RAB22A: variants seen among roughly 807,000 people sequenced by gnomAD.
RAB22A encodes ras-related protein Rab-22A.
A neutral mutation model predicts 30.2 loss-of-function variants in RAB22A; 13 were observed. That is an observed-to-expected ratio of 0.43 (90% CI 0.28 to 0.68). The LOEUF (loss-of-function observed/expected upper bound fraction) is 0.68. RAB22A is among the 30% of genes least tolerant of loss of function. The pLI is 0.18. For synonymous variants in RAB22A, 89 were observed against 87.2 expected, an observed-to-expected ratio of 1.02 and a Z score of -0.11; for missense variants, 177 against 246.8, an observed-to-expected ratio of 0.72 and a Z score of 1.89.
At chr20:58,343,253 A>T (rs553933178) in intron 2 of RAB22A, among the ~76,000 whole-genome samples, 1 of 152,244 alleles carries the variant, frequency 6.6e-6, no homozygotes, top group East Asian at 1.9e-4. Flanking sequence ...ATTAATTCGC[A>T]TGTTAACACT....
intron 2 of RAB22A, among the ~76,000 whole-genome samples, chr20:58,340,015 G>T (rs1986828497): frequency 6.6e-6 from 1 of 152,274 alleles, no homozygotes; most frequent in South Asian, 2.1e-4. Flanking sequence ...TCCTAATGCT[G>T]AGGAGGAAGT....
chr20:58,312,057 G>A (rs1986237387), intron 2 of RAB22A, among the ~76,000 whole-genome samples: 1 of 152,134 alleles, frequency 6.6e-6, no homozygotes, highest in Non-Finnish European at 1.5e-5. Flanking sequence ...CCGGGTTCAA[G>A]CGATTCTCCT....
At chr20:58,314,887 G>A (rs1986304999) in intron 2 of RAB22A, among the ~76,000 whole-genome samples, 1 of 152,030 alleles carries the variant, frequency 6.6e-6, no homozygotes, top group South Asian at 2.1e-4. Context: ...TGGAAGTGAA[G>A]TAGTTGGTGG....
chr20:58,356,349 C>A lies in RAB22A; in HGVS notation c.487+2084C>A, dbSNP rs1477555784. On this transcript the variant is annotated intron_variant, in intron 6 of 6. Transcript: ENST00000244040. ...AAAGGAAGATAGTAAACTATACCAA[C>A]AATGAAAAGTCTTATATAAAAACTA... 6.7e-5 allele frequency among the ~76,000 whole-genome samples: 10 copies of A among 149,414 alleles called. No homozygotes were observed. In the East Asian group the frequency reaches 2.0e-3, roughly 29 times the overall value.
At chr20:58,338,343 T>C (rs1325981433) in intron 2 of RAB22A, among the ~76,000 whole-genome samples, 1 of 152,182 alleles carries the variant, frequency 6.6e-6, no homozygotes, top group Non-Finnish European at 1.5e-5. Context: ...AGAAATCTTT[T>C]CCTTGATTTT....
intron 2 of RAB22A, among the ~76,000 whole-genome samples, chr20:58,326,270 G>A (rs1170961557): frequency 6.6e-6 from 1 of 151,972 alleles, no homozygotes; most frequent in Non-Finnish European, 1.5e-5. Flanking sequence ...GCAGAAATTT[G>A]CATCACCTCA....
chr20:58,354,356 C>G (rs1987100948), intron 6 of RAB22A, 91 bp downstream of exon 6: 1 of 832,102 alleles, frequency 1.2e-6, no homozygotes, highest in Admixed American at 2.5e-5. Context: ...TTACTTAGAG[C>G]AGTCTAGTCT....
At chr20:58,326,217 A>G (rs1986567164) in intron 2 of RAB22A, among the ~76,000 whole-genome samples, 1 of 151,870 alleles carries the variant, frequency 6.6e-6, no homozygotes, top group Non-Finnish European at 1.5e-5. Flanking sequence ...TTTGATTTTG[A>G]TAACGTAGAT....
Position 58,353,298 on chromosome 20 carries a change from A to T in RAB22A, c.224A>T (p.Tyr75Phe). 1 of 1,614,100 alleles carries T rather than the reference A, an allele frequency of 6.2e-7. No individual in the cohort carries two copies. Among genetic ancestry groups the T allele is most frequent in the Non-Finnish European group, 8.5e-7 (1 of 1,179,970 alleles). The change falls in exon 4 of 7, where the codon TAT (tyrosine) becomes TTT (phenylalanine). Residue 75 changes from tyrosine to phenylalanine, a missense_variant. Coordinates refer to ENST00000244040, the MANE Select transcript of RAB22A (RefSeq NM_020673.3). ...TTTCGTGCCTTAGCACCAATGTACT[A>T]TCGAGGGTCGGCTGCAGCTATAATC... is the stretch of plus-strand genomic sequence containing the variant. The part of the protein sequence containing the change: ...ERFRALAPMY[Y>F]RGSAAAIIVY...
chr20:58,326,693 G>GT (rs1225576395), intron 2 of RAB22A, among the ~76,000 whole-genome samples: 2 of 152,156 alleles, frequency 1.3e-5, no homozygotes, highest in African/African-American at 4.8e-5. Flanking sequence ...AGAATTGATA[G>GT]TTGGTAGGGT....
intron 3 of RAB22A, among the ~76,000 whole-genome samples, chr20:58,352,427 G>A (rs1055297183): frequency 1.3e-5 from 2 of 152,172 alleles, no homozygotes; most frequent in Non-Finnish European, 2.9e-5. Context: ...GGTGCAAGAC[G>A]AAAATTAAGT....
At chr20:58,316,704 C>T (rs2122925055) in intron 2 of RAB22A, among the ~76,000 whole-genome samples, 1 of 152,300 alleles carries the variant, frequency 6.6e-6, no homozygotes, top group South Asian at 2.1e-4. Flanking sequence ...AGATTCTGCT[C>T]ACCATAGAGC....
intron 6 of RAB22A, among the ~76,000 whole-genome samples, chr20:58,354,764 G>A (rs1367879095): frequency 1.3e-5 from 2 of 152,174 alleles, no homozygotes; most frequent in African/African-American, 4.8e-5. Flanking sequence ...ATCCTCTGCA[G>A]ATCGTATCTA....
At chr20:58,325,846 T>G (rs749099227) in intron 2 of RAB22A, among the ~76,000 whole-genome samples, 6 of 152,232 alleles carry the variant, frequency 3.9e-5, no homozygotes, top group Non-Finnish European at 8.8e-5. Flanking sequence ...CTGAATGGAA[T>G]TAGGTCGAGT....
chr20:58,320,882 C>T (rs764795436), intron 2 of RAB22A, among the ~76,000 whole-genome samples: 11 of 152,076 alleles, frequency 7.2e-5, no homozygotes, highest in South Asian at 4.1e-4. Flanking sequence ...ATGGTGAAAC[C>T]CTGTCTCTGC....
At chr20:58,327,452 C>G (rs1986587742) in intron 2 of RAB22A, among the ~76,000 whole-genome samples, 1 of 152,208 alleles carries the variant, frequency 6.6e-6, no homozygotes, top group Non-Finnish European at 1.5e-5. Context: ...GGCTGGAGGC[C>G]TCAGTTCCAC....
intron 3 of RAB22A, among the ~76,000 whole-genome samples, chr20:58,352,461 A>G (rs988471299): frequency 6.6e-6 from 1 of 152,230 alleles, no homozygotes; most frequent in Non-Finnish European, 1.5e-5. Context: ...TTGTCATTAA[A>G]CATTGACATC....
chr20:58,310,473 G>T (rs1173597671), intron 1 of RAB22A, among the ~76,000 whole-genome samples: 1 of 151,330 alleles, frequency 6.6e-6, no homozygotes, highest in Non-Finnish European at 1.5e-5. Flanking sequence ...CTTGTCCAAA[G>T]AGTTACTTTG....
In RAB22A at chr20:58,309,797, C is replaced by T. The variant is rs1193746845; in HGVS notation, c.-180C>T. 2 of 462,198 alleles carry T rather than the reference C, an allele frequency of 4.3e-6. No homozygotes were observed. The highest frequency in any genetic ancestry group is 6.8e-6 in the Non-Finnish European group (2 of 295,072). 28.6% of individuals were successfully genotyped at this position (462,198 alleles called of 1,614,324 possible). A position where few individuals can be genotyped will look rare whatever the true frequency, so the allele number is the denominator to read the frequency against. Reference sequence around the variant, plus strand: ...CGGCGTCCCGGCTGCTAAGGCGGGCCCCACGCGGCTGGCAGCGGACAGGCC... The same window carrying T: ...CGGCGTCCCGGCTGCTAAGGCGGGCTCCACGCGGCTGGCAGCGGACAGGCC... On this transcript the variant is annotated 5_prime_UTR_variant, in exon 1 of 7. Transcript: ENST00000244040.
Sources: allele counts gnomAD v4.1 joint callset (sites outside exome capture counted in the v4.1 genomes callset), GRCh38; gene constraint gnomAD v4.1.1; transcripts MANE v1.5; gene names NCBI Gene and HGNC (gene_info 2026-07-23, HGNC 2026-07-21).